TSNARE1: variants seen among roughly 807,000 people sequenced by gnomAD.
The protein encoded by TSNARE1 is t-SNARE domain-containing protein 1.
A neutral mutation model predicts 62.0 loss-of-function variants in TSNARE1; 49 were observed. That is an observed-to-expected ratio of 0.79 (90% CI 0.63 to 1.00). The LOEUF is 1.00. TSNARE1 is among the 50% of genes least tolerant of loss of function. TSNARE1 has a pLI of 0.00. For missense variants in TSNARE1, 755 were observed against 700.1 expected, an observed-to-expected ratio of 1.08 and a Z score of -0.88; for synonymous variants, 328 against 294.4, an observed-to-expected ratio of 1.11 and a Z score of -1.17.
chr8:142,313,489 CTG>C lies in TSNARE1; in HGVS notation c.1131+893_1131+894del, dbSNP rs549049327. ...TGCATGTCTGTGTTTATCTGTGTCT[CTG>C]TGTGTTTATCTGCATGTGTCTACAT... is the stretch of plus-strand genomic sequence containing the variant. On this transcript the variant is annotated intron_variant, in intron 9 of 13. Coordinates refer to ENST00000524325, the MANE Select transcript of TSNARE1 (RefSeq NM_145003.5). Among the ~76,000 whole-genome samples, 33 of 151,104 alleles carry C rather than the reference CTG, an allele frequency of 2.2e-4. 1 individual carries two copies. Among genetic ancestry groups the C allele is most frequent in the Admixed American group, 7.2e-4 (11 of 15,210 alleles).
intron 12 of TSNARE1, among the ~76,000 whole-genome samples, chr8:142,238,302 C>A (rs542050910): frequency 3.9e-5 from 6 of 152,254 alleles, no homozygotes; most frequent in Admixed American, 3.3e-4. Flanking sequence ...ATCCTCCTGG[C>A]TCCTGGGCCA....
At chr8:142,406,051 G>A (rs1032963954), upstream of TSNARE1, 10 of 152,284 alleles carry the variant, frequency 6.6e-5, no homozygotes, top group African/African-American at 2.2e-4. Context: ...CTGGTCCTTT[G>A]GAAGGGGCAG....
At chr8:142,380,196 G>C (rs569285115) in intron 1 of TSNARE1, among the ~76,000 whole-genome samples, 1 of 152,362 alleles carries the variant, frequency 6.6e-6, no homozygotes, top group East Asian at 1.9e-4. Context: ...CCACAGGACA[G>C]AAACGGAGAC....
intron 2 of TSNARE1, among the ~76,000 whole-genome samples, chr8:142,347,641 C>A (rs758367480): frequency 6.6e-6 from 1 of 152,074 alleles, no homozygotes; most frequent in African/African-American, 2.4e-5. Context: ...CTCAAGGACA[C>A]GCCATCACCT....
intron 4 of TSNARE1, among the ~76,000 whole-genome samples, chr8:142,337,369 C>T (rs1396661470): frequency 6.6e-6 from 1 of 152,210 alleles, no homozygotes; most frequent in Non-Finnish European, 1.5e-5. Context: ...TTTGTCCGTA[C>T]AAAGATCCTA....
chr8:142,309,321 C>A (rs1403788537), intron 9 of TSNARE1, among the ~76,000 whole-genome samples: 3 of 152,140 alleles, frequency 2.0e-5, no homozygotes, highest in Non-Finnish European at 4.4e-5. Flanking sequence ...GTACTAGATG[C>A]CCTAGTTTTA....
chr8:142,229,674 C>T (rs1232045794), intron 12 of TSNARE1, 95 bp from the exon 13 acceptor site: 20 of 1,137,934 alleles, frequency 1.8e-5, no homozygotes, highest in Non-Finnish European at 2.6e-5. Flanking sequence ...CTGTGGCATG[C>T]AGGGGCTGAG....
Position 142,354,700 on chromosome 8 carries a change from C to T in TSNARE1, c.25G>A (p.Gly9Arg). ...GGGCCACGGCTCCCCAGGCCACCTC[C>T]ACGGGCGATGGATCCGTATGACATC... MSYGSIARGGGLGSRGPFG... is the reference protein window; with the variant it reads MSYGSIARRGGLGSRGPFG... Residue 9 changes from glycine to arginine, a missense_variant, in exon 2 of 14, where the codon GGA becomes AGA. Gly to Arg is a moderately radical substitution (Grantham distance 125, BLOSUM62 -2). Coordinates refer to ENST00000524325, the MANE Select transcript of TSNARE1 (RefSeq NM_145003.5). 6.2e-7 allele frequency: 1 copy of T among 1,613,714 alleles called. No homozygotes were observed. Among genetic ancestry groups the T allele is most frequent in the South Asian group, 1.1e-5 (1 of 91,072 alleles).
intron 7 of TSNARE1, among the ~76,000 whole-genome samples, chr8:142,315,604 C>G (rs1466120700): frequency 2.0e-5 from 3 of 152,250 alleles, no homozygotes; most frequent in Non-Finnish European, 4.4e-5. Flanking sequence ...AGAGCTGGAG[C>G]TGGAGAAGCA....
intron 1 of TSNARE1, among the ~76,000 whole-genome samples, chr8:142,388,240 G>A (rs1263879332): frequency 6.6e-6 from 1 of 151,966 alleles, no homozygotes; most frequent in Non-Finnish European, 1.5e-5. Context: ...AAGAAAACAT[G>A]AAATAAAATA....
chr8:142,295,715 C>T (rs997020395), intron 10 of TSNARE1, among the ~76,000 whole-genome samples: 1 of 152,098 alleles, frequency 6.6e-6, no homozygotes, highest in African/African-American at 2.4e-5. Context: ...CCAACATAAA[C>T]CAGTAAAGAG....
chr8:142,237,564 C>T (rs1257780935), intron 12 of TSNARE1, among the ~76,000 whole-genome samples: 3 of 152,206 alleles, frequency 2.0e-5, no homozygotes, highest in Non-Finnish European at 2.9e-5. Flanking sequence ...CCTTATCAAT[C>T]GAACATTTTG....
intron 12 of TSNARE1, chr8:142,270,485 T>C (rs1217756520): frequency 1.1e-5 from 6 of 554,142 alleles, no homozygotes; most frequent in East Asian, 3.2e-4. Flanking sequence ...TATAGGCATA[T>C]ATATATATAT....
At chr8:142,376,675 T>C (rs990108012) in intron 1 of TSNARE1, among the ~76,000 whole-genome samples, 8 of 152,176 alleles carry the variant, frequency 5.3e-5, no homozygotes, top group African/African-American at 1.7e-4. Flanking sequence ...AGAAGCTCCA[T>C]GGCCTGGAGA....
At chr8:142,365,158 C>T (rs1197229405) in intron 1 of TSNARE1, among the ~76,000 whole-genome samples, 1 of 152,224 alleles carries the variant, frequency 6.6e-6, no homozygotes, top group Non-Finnish European at 1.5e-5. Context: ...CCACATACCC[C>T]TCTGACACGA....
intron 1 of TSNARE1, among the ~76,000 whole-genome samples, chr8:142,390,000 A>C (rs1446212807): frequency 1.3e-5 from 2 of 152,246 alleles, no homozygotes; most frequent in Non-Finnish European, 2.9e-5. Context: ...CAGCAGGCAA[A>C]TGTACTAAAT....
At chr8:142,300,735 C>T in intron 9 of TSNARE1, 91 bp from the exon 10 acceptor site, 1 of 1,331,854 alleles carries the variant, frequency 7.5e-7, no homozygotes, top group South Asian at 1.4e-5. Flanking sequence ...GTGCTTTTCC[C>T]TTCACTATCC....
chr8:142,250,635 C>T (rs746096249), intron 12 of TSNARE1, among the ~76,000 whole-genome samples: 1 of 152,204 alleles, frequency 6.6e-6, no homozygotes, highest in Non-Finnish European at 1.5e-5. Flanking sequence ...GCTGGATGCA[C>T]CTGAAGCAGC....
At chr8:142,213,696 C>T (rs886453019) in intron 13 of TSNARE1, among the ~76,000 whole-genome samples, 17 of 152,112 alleles carry the variant, frequency 1.1e-4, no homozygotes, top group Non-Finnish European at 1.5e-4. Flanking sequence ...GCTGGCTCCC[C>T]GAAATCCAAT....
Sources: gnomAD v4.1 joint callset for allele counts (sites outside exome capture counted in the v4.1 genomes callset) on GRCh38, gnomAD v4.1.1 for gene constraint, MANE v1.5 for transcripts, NCBI Gene and HGNC (gene_info 2026-07-23, HGNC 2026-07-21) for gene names.